Variants in GDNF observed in about 807,000 individuals in gnomAD.
The protein encoded by GDNF is glial cell derived neurotrophic factor, also known as glial cell line-derived neurotrophic factor.
In GDNF, 5 loss-of-function variants were observed where a neutral mutation model predicts 13.7. The observed-to-expected ratio is 0.36, with a 90% CI of 0.19 to 0.77. GDNF has a LOEUF of 0.77. Ranked by LOEUF, GDNF falls within the 30% of genes least tolerant of loss-of-function variation. The pLI is 0.51. For missense variants in GDNF, 246 were observed against 274.3 expected, an observed-to-expected ratio of 0.90 and a Z score of 0.73; for synonymous variants, 122 against 112.5, an observed-to-expected ratio of 1.08 and a Z score of -0.53.
intron 2 of GDNF, among the ~76,000 whole-genome samples, chr5:37,830,190 TA>T (rs890117309): frequency 2.0e-5 from 3 of 152,210 alleles, no homozygotes; most frequent in Non-Finnish European, 4.4e-5. Context: ...CTTCTTAAAT[TA>T]AATGTCCAGC....
chr5:37,822,487 G>GGGCAGGATGCTGAGGATGAGGC (rs1313609132), intron 2 of GDNF, among the ~76,000 whole-genome samples: 2 of 152,202 alleles, frequency 1.3e-5, no homozygotes, highest in African/African-American at 4.8e-5. Context: ...TTTTGGGATG[G>GGGCAGGATGCTGAGGATGAGGC]GGCAGGATGC....
At position 37,837,553 on chromosome 5, in the gene GDNF, C is replaced by G. The variant is rs1302834997; in HGVS notation, c.-27+1954G>C. ...GCTCGCCGCGAGGCACTTCTGAGTT[C>G]CCGGCAGCAGGGGGCACCAGAAACC... On this transcript the variant is annotated intron_variant, in intron 1 of 2. Transcript: ENST00000326524. The surrounding 1 kb of genome is among the most constrained non-coding windows in gnomAD (Gnocchi z 6.5). 6.6e-6 allele frequency among the ~76,000 whole-genome samples: 1 copy of G among 152,196 alleles called. No individual in the cohort carries two copies. Among genetic ancestry groups the G allele is most frequent in the Non-Finnish European group, 1.5e-5 (1 of 68,032 alleles).
chr5:37,835,349 A>G (rs773012179), intron 1 of GDNF: 4 of 891,266 alleles, frequency 4.5e-6, no homozygotes, highest in Non-Finnish European at 6.3e-6. Context: ...TCGGGTCCCA[A>G]CCGGGCTTCT....
At chr5:37,835,617 C>T (rs1455959544) in intron 1 of GDNF, 2 of 1,545,756 alleles carry the variant, frequency 1.3e-6, no homozygotes, top group African/African-American at 1.4e-5. Context: ...GTAGTAAGAG[C>T]TCAGTAAATG....
intron 2 of GDNF, among the ~76,000 whole-genome samples, chr5:37,819,286 C>G (rs577593481): frequency 4.6e-4 from 70 of 152,224 alleles, no homozygotes; most frequent in Admixed American, 1.4e-3. Context: ...CATTGCCCAC[C>G]AGAGAGCTGA....
rs1749887245 is a variant in GDNF, at chr5:37,815,591, T to C, written c.*60A>G. On this transcript the variant is annotated 3_prime_UTR_variant, in exon 3 of 3. Coordinates refer to ENST00000326524, the MANE Select transcript of GDNF (RefSeq NM_000514.4). The surrounding 1 kb of genome is among the most constrained non-coding windows in gnomAD (Gnocchi z 5.0). The stretch of plus-strand genomic sequence containing the variant: ...TCTGGGCAAACATTTCCTGGGAACC[T>C]TGGTCCCTTTCTTTGCACTGTAGCA... 6.5e-7 allele frequency: 1 copy of C among 1,537,358 alleles called. No homozygotes were observed. The highest frequency in any genetic ancestry group is 2.3e-5 in the East Asian group (1 of 44,390).
rs563976552 is a variant in GDNF, at chr5:37,839,872, G to T, written c.-392C>A. ...CCCGGGGCGCTGCGGGCGGCTCAGC[G>T]GCAGCTGCCGCGCTCTGCGCCTCCT... On this transcript the variant is annotated 5_prime_UTR_variant, in exon 1 of 3. Coordinates refer to ENST00000326524, the MANE Select transcript of GDNF (RefSeq NM_000514.4). The surrounding 1 kb of genome is among the most constrained non-coding windows in gnomAD (Gnocchi z 5.5). 1 of 152,492 alleles carries T rather than the reference G, an allele frequency of 6.6e-6. No homozygotes were observed. The highest frequency in any genetic ancestry group is 2.1e-4 in the South Asian group (1 of 4,846). The allele number at this position is 152,492 out of a possible 1,614,324, so 9.4% of individuals were successfully genotyped here.
chr5:37,815,523 T>TCA lies in GDNF; in HGVS notation c.*127_*128insTG. Reference sequence around the variant, plus strand: ...CCTCCTCCTCCTCCTCCTCCTCCTCTTCTTCTTCCTCCTCCTCCGCCTCCT... The same window carrying TCA: ...CCTCCTCCTCCTCCTCCTCCTCCTCTCATCTTCTTCCTCCTCCTCCGCCTCCT... On this transcript the variant is annotated 3_prime_UTR_variant, in exon 3 of 3. Transcript: ENST00000326524. The surrounding 1 kb of genome is among the most constrained non-coding windows in gnomAD (Gnocchi z 5.0). 1.4e-6 allele frequency: 1 copy of TCA among 732,634 alleles called. No individual in the cohort carries two copies. Among genetic ancestry groups the TCA allele is most frequent in the Non-Finnish European group, 2.3e-6 (1 of 442,528 alleles). 45.4% of individuals were successfully genotyped at this position (732,634 alleles called of 1,614,324 possible).
Position 37,815,221 on chromosome 5 carries a change from G to C in GDNF, c.*430C>G, listed in dbSNP as rs1278303524. ...AACAAGGAACAACACCAGGATCTCT[G>C]TTTCCCTGGTGTCTTCGGACACATG... On this transcript the variant is annotated 3_prime_UTR_variant, in exon 3 of 3. Transcript: ENST00000326524. The surrounding 1 kb of genome is among the most constrained non-coding windows in gnomAD (Gnocchi z 5.0). The C allele has an allele frequency of 2.3e-5, 5 of 213,204 alleles. No individual in the cohort carries two copies. Among genetic ancestry groups the C allele is most frequent in the South Asian group, 8.6e-5 (1 of 11,694 alleles). 13.2% of individuals were successfully genotyped at this position (213,204 alleles called of 1,614,324 possible). A position where few individuals can be genotyped will look rare whatever the true frequency, so the allele number is the denominator to read the frequency against.
At chr5:37,819,975 AC>A (rs1462589127) in intron 2 of GDNF, among the ~76,000 whole-genome samples, 2 of 152,362 alleles carry the variant, frequency 1.3e-5, no homozygotes, top group East Asian at 1.9e-4. Flanking sequence ...TCAAAAAAAA[AC>A]ATGCTTGTAT....
At chr5:37,824,883 C>A (rs1215211324) in intron 2 of GDNF, among the ~76,000 whole-genome samples, 2 of 152,154 alleles carry the variant, frequency 1.3e-5, no homozygotes, top group African/African-American at 2.4e-5. Flanking sequence ...TCTTCAGGAC[C>A]AGTGGTTTGT....
chr5:37,821,436 C>T (rs980139589), intron 2 of GDNF, among the ~76,000 whole-genome samples: 1 of 151,998 alleles, frequency 6.6e-6, no homozygotes, highest in African/African-American at 2.4e-5. Context: ...AAAAGAGGAG[C>T]ATCATTAAAA....
intron 2 of GDNF, among the ~76,000 whole-genome samples, chr5:37,819,398 T>C (rs1275864131): frequency 6.6e-6 from 1 of 151,218 alleles, no homozygotes; most frequent in Non-Finnish European, 1.5e-5. Flanking sequence ...AGCTCTCTGG[T>C]CCCTGAGTAA....
chr5:37,824,670 G>C lies in GDNF; in HGVS notation c.152-8535C>G, dbSNP rs181556547. ...AGATCAGTAAGCACTGAATGCTGAT[G>C]CATCTTACATTATGTAATGACCTTC... On this transcript the variant is annotated intron_variant, in intron 2 of 2. Transcript: ENST00000326524. 2.6e-5 allele frequency: 4 copies of C among 152,326 alleles called. No individual in the cohort carries two copies. In the East Asian group the frequency reaches 7.7e-4, roughly 29 times the overall value. The allele number at this position is 152,326 out of a possible 1,614,324, so 9.4% of individuals were successfully genotyped here. A position where few individuals can be genotyped will look rare whatever the true frequency, so the allele number is the denominator to read the frequency against.
At chr5:37,816,784 T>G (rs1749946762) in intron 2 of GDNF, among the ~76,000 whole-genome samples, 1 of 152,236 alleles carries the variant, frequency 6.6e-6, no homozygotes, top group South Asian at 2.1e-4. Flanking sequence ...CTTGCTTTGA[T>G]TCTGTGTGGC....
intron 1 of GDNF, chr5:37,835,335 T>TTTGGAAATAAAATCAA: frequency 1.4e-6 from 1 of 716,436 alleles, no homozygotes. Context: ...CGCATTCCCC[T>TTTGGAAATAAAATCAA]GCCTCGGGTC....
chr5:37,834,815 G>C lies in GDNF; in HGVS notation c.-19C>G, dbSNP rs746719207. On this transcript the variant is annotated 5_prime_UTR_variant, in exon 2 of 3. Coordinates refer to ENST00000326524, the MANE Select transcript of GDNF (RefSeq NM_000514.4). ...ACTTCATCTTAAAGTCCCGTCCGGC[G>C]GCGGCACCTGCGCGGGCAGGCGGGA... 1.2e-5 allele frequency: 20 copies of C among 1,612,296 alleles called. No individual in the cohort carries two copies. Among genetic ancestry groups the C allele is most frequent in the Non-Finnish European group, 1.7e-5 (20 of 1,179,358 alleles).
At chr5:37,831,799 AACTGGCAAAAAGCAAAATACTGGCAAAAT>A in intron 2 of GDNF, among the ~76,000 whole-genome samples, 1 of 152,210 alleles carries the variant, frequency 6.6e-6, no homozygotes, top group East Asian at 1.9e-4. Flanking sequence ...GCCCTTTGGA[AACTGGCAAAAAGCAAAATACTGGCAAAAT>A]ACTGGCAAAA....
chr5:37,821,342 C>T (rs1212688783), intron 2 of GDNF, among the ~76,000 whole-genome samples: 1 of 152,188 alleles, frequency 6.6e-6, no homozygotes. Flanking sequence ...TCTCTGTCTT[C>T]ATCCTTTAAA....
Sources: allele counts gnomAD v4.1 joint callset (sites outside exome capture counted in the v4.1 genomes callset), GRCh38; gene constraint gnomAD v4.1.1; non-coding constraint Gnocchi (gnomAD v3.1); transcripts MANE v1.5; gene names NCBI Gene and HGNC (gene_info 2026-07-23, HGNC 2026-07-21).